The following KCTD16 variants were observed in gnomAD, a reference collection of about 807,000 sequenced individuals.
KCTD16 encodes potassium channel tetramerization domain containing 16, also known as BTB/POZ domain-containing protein KCTD16.
Under a neutral mutation model 33.2 loss-of-function variants are expected in KCTD16, and 13 were observed. That is an observed-to-expected ratio of 0.39 (90% CI 0.25 to 0.62). The LOEUF (loss-of-function observed/expected upper bound fraction) is 0.62. Among genes scored for constraint, KCTD16 ranks in the 20% least tolerant of loss-of-function variants. The pLI is 0.50. For synonymous variants in KCTD16, 197 were observed against 195.3 expected, an observed-to-expected ratio of 1.01 and a Z score of -0.07; for missense variants, 441 against 525.1, an observed-to-expected ratio of 0.84 and a Z score of 1.57.
At position 144,485,135 on chromosome 5, in the gene KCTD16, T is replaced by G. The variant is rs1754778868; in HGVS notation, c.*11021T>G. On this transcript the variant is annotated 3_prime_UTR_variant, in exon 4 of 4. Transcript: ENST00000512467. Reference sequence around the variant, plus strand: ...TTACCTTGGGATGTAACACTGTAGATCTTCGCCTGCTGTATTTCTTTCTTA... The same window carrying G: ...TTACCTTGGGATGTAACACTGTAGAGCTTCGCCTGCTGTATTTCTTTCTTA... 1 of 151,884 alleles carries G rather than the reference T, an allele frequency of 6.6e-6. No homozygotes were observed. Among genetic ancestry groups the G allele is most frequent in the Non-Finnish European group, 1.5e-5 (1 of 67,904 alleles). 9.4% of individuals were successfully genotyped at this position (151,884 alleles called of 1,614,324 possible). A position where few individuals can be genotyped will look rare whatever the true frequency, so the allele number is the denominator to read the frequency against.
intron 3 of KCTD16, among the ~76,000 whole-genome samples, chr5:144,360,609 T>G (rs1751687896): frequency 6.6e-6 from 1 of 152,062 alleles, no homozygotes; most frequent in Admixed American, 6.5e-5. Flanking sequence ...TTTTTGTATT[T>G]TTAGTAGAGA....
chr5:144,315,592 T>A (rs141678980), intron 3 of KCTD16, among the ~76,000 whole-genome samples: 1 of 152,204 alleles, frequency 6.6e-6, no homozygotes, highest in Admixed American at 6.5e-5. Context: ...GCAAAGCTTT[T>A]CATATGCATT....
intron 3 of KCTD16, among the ~76,000 whole-genome samples, chr5:144,345,222 GA>G (rs1752764230): frequency 8.8e-6 from 1 of 113,308 alleles, no homozygotes; most frequent in Non-Finnish European, 1.8e-5. Context: ...GGGGAGGGGG[GA>G]GGGATAGCAT....
chr5:144,218,024 C>CCCTTT (rs1419588054), intron 3 of KCTD16, among the ~76,000 whole-genome samples: 1 of 152,154 alleles, frequency 6.6e-6, no homozygotes, highest in Non-Finnish European at 1.5e-5. Flanking sequence ...CCTTGCTGTG[C>CCCTTT]CCTTTGCTCT....
At chr5:144,396,565 G>T (rs1369106517) in intron 3 of KCTD16, among the ~76,000 whole-genome samples, 1 of 152,108 alleles carries the variant, frequency 6.6e-6, no homozygotes, top group Non-Finnish European at 1.5e-5. Flanking sequence ...TTCCTACTTA[G>T]ATGATAATTG....
intron 3 of KCTD16, among the ~76,000 whole-genome samples, chr5:144,323,432 T>C (rs1018804422): frequency 1.3e-5 from 2 of 152,050 alleles, no homozygotes; most frequent in Admixed American, 1.3e-4. Flanking sequence ...TGGGAGAACA[T>C]TAGATCATGA....
intron 2 of KCTD16, among the ~76,000 whole-genome samples, 183 bp downstream of exon 2, chr5:144,174,655 C>A (rs1015810146): frequency 3.9e-5 from 6 of 152,098 alleles, no homozygotes; most frequent in Admixed American, 2.0e-4. Context: ...TTACTTTGAA[C>A]GATGAATAGT....
rs1753481099 is a variant in KCTD16, at chr5:144,432,302, A to C, written c.833-41358A>C. 2.0e-5 allele frequency among the ~76,000 whole-genome samples: 3 copies of C among 152,170 alleles called. No individual in the cohort carries two copies. In the South Asian group the frequency reaches 6.2e-4, roughly 32 times the overall value. On this transcript the variant is annotated intron_variant, in intron 3 of 3. Coordinates refer to ENST00000512467, the MANE Select transcript of KCTD16 (RefSeq NM_020768.4). ...CCTTTTATGTGGTAGGAACATTAATAAGTGCTTACAAACCTTGTGCCAAGT... is the reference window on the plus strand; with the variant it reads ...CCTTTTATGTGGTAGGAACATTAATCAGTGCTTACAAACCTTGTGCCAAGT...
rs139957187 is a variant in KCTD16 at position 144,402,345 on chromosome 5, G to A, written c.833-71315G>A. On this transcript the variant is annotated intron_variant, in intron 3 of 3. Transcript: ENST00000512467. ...TTAGGTGGCCAGGGAAGCAATGATC[G>A]CTTCCTTTGTGTGAAGACAAATTAC... Among the ~76,000 whole-genome samples, 62 of 152,254 alleles carry A rather than the reference G, an allele frequency of 4.1e-4. 1 individual carries two copies. The East Asian group carries it at 0.011, about 27-fold the overall frequency.
Position 144,481,277 on chromosome 5 carries a change from A to G in KCTD16, c.*7163A>G, listed in dbSNP as rs1238003100. 6.6e-6 allele frequency: 1 copy of G among 151,966 alleles called. No homozygotes were observed. The highest frequency in any genetic ancestry group is 2.4e-5 in the African/African-American group (1 of 41,410). The allele number at this position is 151,966 out of a possible 1,614,324, so 9.4% of individuals were successfully genotyped here. A position where few individuals can be genotyped will look rare whatever the true frequency, so the allele number is the denominator to read the frequency against. The stretch of plus-strand genomic sequence containing the variant: ...AGTGCTCTCAGAAATGAAACTAGTA[A>G]GGGGGAGAAAGTGTTTTGAGCAGGC... On this transcript the variant is annotated 3_prime_UTR_variant, in exon 4 of 4. Transcript: ENST00000512467.
chr5:144,431,213 G>A (rs1292989312), intron 3 of KCTD16, among the ~76,000 whole-genome samples: 2 of 152,092 alleles, frequency 1.3e-5, no homozygotes, highest in African/African-American at 4.8e-5. Flanking sequence ...TAGCCTACCT[G>A]CATATCCATT....
chr5:144,329,462 A>G, intron 3 of KCTD16, among the ~76,000 whole-genome samples: 1 of 152,172 alleles, frequency 6.6e-6, no homozygotes, highest in Non-Finnish European at 1.5e-5. Context: ...AAGTAAACCC[A>G]CAGCAGAGTG....
At chr5:144,354,186 T>C (rs1751516252) in intron 3 of KCTD16, among the ~76,000 whole-genome samples, 1 of 152,168 alleles carries the variant, frequency 6.6e-6, no homozygotes, top group African/African-American at 2.4e-5. Context: ...AACTCGCTTT[T>C]ATCACTTAAT....
At chr5:144,190,118 C>A (rs1445129702) in intron 2 of KCTD16, among the ~76,000 whole-genome samples, 1 of 152,214 alleles carries the variant, frequency 6.6e-6, no homozygotes, top group Non-Finnish European at 1.5e-5. Context: ...TCACTCTTTC[C>A]TCTGTGTCTC....
At chr5:144,345,715 A>ATTT (rs895996880) in intron 3 of KCTD16, among the ~76,000 whole-genome samples, 13 of 152,034 alleles carry the variant, frequency 8.6e-5, no homozygotes, top group Non-Finnish European at 1.5e-5. Flanking sequence ...ATTAGATTTT[A>ATTT]TTTTTGTGGG....
intron 3 of KCTD16, among the ~76,000 whole-genome samples, chr5:144,465,190 T>TCA (rs1754297679): frequency 2.3e-5 from 1 of 42,750 alleles, no homozygotes; most frequent in East Asian, 1.9e-3. Flanking sequence ...CTCCCCCCCC[T>TCA]CTCTCTCTCA....
chr5:144,199,657 T>C (rs1472787452), intron 2 of KCTD16, among the ~76,000 whole-genome samples: 1 of 150,974 alleles, frequency 6.6e-6, no homozygotes, highest in Non-Finnish European at 1.5e-5. Context: ...CTTGACTTCA[T>C]GGCCAAATTG....
At position 144,224,348 on chromosome 5, in the gene KCTD16, G is replaced by GC. The variant is rs537522017; in HGVS notation, c.832+16802_832+16803insC. On this transcript the variant is annotated intron_variant, in intron 3 of 3. Transcript: ENST00000512467. ...TTCTATATTGTAAATAAAACCCAAG[G>GC]TTGGTATATTATTTTTATTGGATCA... 6.3e-5 allele frequency among the ~76,000 whole-genome samples: 9 copies of GC among 142,060 alleles called. No homozygotes were observed. The East Asian group carries it at 1.9e-3, about 30-fold the overall frequency. 93.2% of individuals were successfully genotyped at this position (142,060 alleles called of 152,430 possible). A position where few individuals can be genotyped will look rare whatever the true frequency, so the allele number is the denominator to read the frequency against.
At chr5:144,209,983 AG>A (rs1056102284) in intron 3 of KCTD16, among the ~76,000 whole-genome samples, 1 of 151,248 alleles carries the variant, frequency 6.6e-6, no homozygotes, top group African/African-American at 2.4e-5. Flanking sequence ...TTAATAACAC[AG>A]GAATAAGGCA....
Sources: allele counts gnomAD v4.1 joint callset (sites outside exome capture counted in the v4.1 genomes callset), GRCh38; gene constraint gnomAD v4.1.1; transcripts MANE v1.5; gene names NCBI Gene and HGNC (gene_info 2026-07-23, HGNC 2026-07-21).